PPP1R12A: variants seen among roughly 807,000 people sequenced by gnomAD.
PPP1R12A encodes myosin binding subunit.
Under a neutral mutation model 139.6 loss-of-function variants are expected in PPP1R12A, and 19 were observed. That is an observed-to-expected ratio of 0.14 (90% CI 0.09 to 0.20). The LOEUF is 0.20. PPP1R12A is among the 10% of genes least tolerant of loss of function. PPP1R12A has a pLI of 1.00. For missense variants in PPP1R12A, 925 were observed against 1,211.5 expected (o/e 0.76, Z 3.51); for synonymous variants, 427 against 420.6 (o/e 1.02, Z -0.19).
At chr12:79,915,340 T>C (rs954353683) in intron 1 of PPP1R12A, among the ~76,000 whole-genome samples, 1 of 152,158 alleles carries the variant, frequency 6.6e-6, no homozygotes, top group Non-Finnish European at 1.5e-5. Context: ...CTAACTTTGT[T>C]ATATGAAGCC....
Position 79,807,709 on chromosome 12 carries a change from A to T in PPP1R12A, c.1551-379T>A, listed in dbSNP as rs561002027. Among the ~76,000 whole-genome samples the T allele has an allele frequency of 6.0e-4, 92 of 152,074 alleles. 2 individuals carry two copies. Among genetic ancestry groups the T allele is most frequent in the African/African-American group, 2.0e-3 (85 of 41,496 alleles). ...TTATGAGATCTTAGGGGAAAAAAAT[A>T]AAAAAATTAGATATTATAACATGAT... is the stretch of plus-strand genomic sequence containing the variant. On this transcript the variant is annotated intron_variant, in intron 11 of 24. Coordinates refer to ENST00000450142, the MANE Select transcript of PPP1R12A (RefSeq NM_002480.3).
chr12:79,878,030 A>T (rs565952895), intron 1 of PPP1R12A, among the ~76,000 whole-genome samples: 4 of 152,230 alleles, frequency 2.6e-5, no homozygotes, highest in Non-Finnish European at 5.9e-5. Flanking sequence ...AAATGCCCAC[A>T]ATATATTAAG....
At chr12:79,789,579 G>C (rs1871546034) in intron 20 of PPP1R12A, 1 of 443,228 alleles carries the variant, frequency 2.3e-6, no homozygotes, top group Admixed American at 2.5e-5. Context: ...TTATTATCTG[G>C]TTCTGAAATT....
intron 1 of PPP1R12A, among the ~76,000 whole-genome samples, chr12:79,921,165 T>C (rs1887408245): frequency 6.6e-6 from 1 of 152,188 alleles, no homozygotes. Context: ...AAGATGATTT[T>C]TTTTTAGGTG....
chr12:79,905,799 A>C (rs1886059949), intron 1 of PPP1R12A, among the ~76,000 whole-genome samples: 1 of 152,166 alleles, frequency 6.6e-6, no homozygotes, highest in Admixed American at 6.5e-5. Context: ...AATTTATATA[A>C]TCCACCTGTA....
chr12:79,912,996 C>T (rs1886705844), intron 1 of PPP1R12A, among the ~76,000 whole-genome samples: 4 of 152,216 alleles, frequency 2.6e-5, no homozygotes, highest in South Asian at 4.1e-4. Context: ...CTCGTTTCTC[C>T]ACATCCCTTC....
chr12:79,883,032 G>A (rs1328235519), intron 1 of PPP1R12A, among the ~76,000 whole-genome samples: 1 of 152,142 alleles, frequency 6.6e-6, no homozygotes, highest in Non-Finnish European at 1.5e-5. Flanking sequence ...AGCTACTCGG[G>A]AGGTGGAGGC....
chr12:79,816,460 A>C (rs1303547513), intron 9 of PPP1R12A, among the ~76,000 whole-genome samples: 1 of 152,120 alleles, frequency 6.6e-6, no homozygotes, highest in Non-Finnish European at 1.5e-5. Flanking sequence ...AAAAAGATAA[A>C]AAAAAGGACG....
intron 23 of PPP1R12A, chr12:79,779,348 TCA>T (rs1369940051): frequency 7.8e-7 from 1 of 1,289,046 alleles, no homozygotes; most frequent in Admixed American, 2.3e-5. Flanking sequence ...CTCTTGCCGG[TCA>T]CCTTTCAGAT....
At chr12:79,876,560 C>T (rs1305428732) in intron 1 of PPP1R12A, among the ~76,000 whole-genome samples, 2 of 152,178 alleles carry the variant, frequency 1.3e-5, no homozygotes, top group Non-Finnish European at 2.9e-5. Flanking sequence ...CTGCTTTCCA[C>T]AGATGTTCCT....
chr12:79,880,068 T>C (rs1241135422), intron 1 of PPP1R12A, among the ~76,000 whole-genome samples: 2 of 152,176 alleles, frequency 1.3e-5, no homozygotes, highest in Non-Finnish European at 2.9e-5. Flanking sequence ...CGGCTAAATA[T>C]CACTAATTCC....
chr12:79,824,610 T>TG (rs1876540008), intron 5 of PPP1R12A, among the ~76,000 whole-genome samples: 4 of 152,156 alleles, frequency 2.6e-5, no homozygotes, highest in African/African-American at 9.7e-5. Context: ...AAAAGCACAC[T>TG]CATCAACTTA....
At chr12:79,841,645 C>A (rs1878726662) in intron 3 of PPP1R12A, among the ~76,000 whole-genome samples, 1 of 152,146 alleles carries the variant, frequency 6.6e-6, no homozygotes, top group African/African-American at 2.4e-5. Flanking sequence ...TAGTTCATAA[C>A]AACTGCTAAT....
intron 6 of PPP1R12A, 52 bp from the exon 7 acceptor site, chr12:79,821,218 A>G: frequency 4.8e-6 from 6 of 1,252,260 alleles, no homozygotes; most frequent in Non-Finnish European, 6.9e-6. Flanking sequence ...AGATACTATT[A>G]CTAAGATGCA....
chr12:79,881,517 T>C (rs1883635466), intron 1 of PPP1R12A, among the ~76,000 whole-genome samples: 1 of 152,146 alleles, frequency 6.6e-6, no homozygotes, highest in Non-Finnish European at 1.5e-5. Context: ...GTGAGGAAGC[T>C]GGAGAAGAAA....
At chr12:79,922,433 GAACT>G (rs371547654) in intron 1 of PPP1R12A, among the ~76,000 whole-genome samples, 36 of 152,104 alleles carry the variant, frequency 2.4e-4, no homozygotes, top group African/African-American at 8.2e-4. Flanking sequence ...TGCAGACTTA[GAACT>G]AACCCAAATC....
chr12:79,893,009 C>A (rs891469953), intron 1 of PPP1R12A, among the ~76,000 whole-genome samples: 1 of 151,056 alleles, frequency 6.6e-6, no homozygotes, highest in African/African-American at 2.4e-5. Context: ...GAGGCTGAGG[C>A]AGGAGAACTG....
At chr12:79,883,468 G>A (rs1018041963) in intron 1 of PPP1R12A, among the ~76,000 whole-genome samples, 2 of 152,074 alleles carry the variant, frequency 1.3e-5, no homozygotes, top group African/African-American at 2.4e-5. Flanking sequence ...AGGAGGAAAT[G>A]TTCAAGGTTT....
chr12:79,826,511 C>G (rs982079396), intron 5 of PPP1R12A, among the ~76,000 whole-genome samples: 1 of 151,688 alleles, frequency 6.6e-6, no homozygotes, highest in African/African-American at 2.4e-5. Context: ...GCTCACAATT[C>G]TTTTACTATC....
Sources: gnomAD v4.1 joint callset for allele counts (sites outside exome capture counted in the v4.1 genomes callset) on GRCh38, gnomAD v4.1.1 for gene constraint, MANE v1.5 for transcripts, NCBI Gene and HGNC (gene_info 2026-07-23, HGNC 2026-07-21) for gene names.